EPHA4: variants seen among roughly 807,000 people sequenced by gnomAD.
EPHA4 encodes the protein ephrin type-A receptor 4.
Under a neutral mutation model 108.3 loss-of-function variants are expected in EPHA4, and 19 were observed. That is an observed-to-expected ratio of 0.18 (90% confidence interval 0.12 to 0.26). The LOEUF is 0.26. EPHA4 is among the 10% of genes least tolerant of loss of function. The pLI, the probability that EPHA4 is intolerant of heterozygous loss-of-function variation, is 1.00. For synonymous variants in EPHA4, 449 were observed against 455.5 expected (o/e 0.99, Z 0.18); for missense variants, 917 against 1,254.0 (o/e 0.73, Z 4.06).
chr2:221,442,826 T>A lies in EPHA4; in HGVS notation c.2074+3A>T. On this transcript the variant is annotated splice_donor_region_variant and intron_variant, in intron 11 of 17. Coordinates refer to ENST00000281821, the MANE Select transcript of EPHA4 (RefSeq NM_004438.5). ...GGCTTTGTAAAGGGGGTGACCCACG[T>A]ACATTTAGTGACCACGCCTTCCAAG... 1 of 1,614,164 alleles carries A rather than the reference T, an allele frequency of 6.2e-7. No homozygotes were observed. The highest frequency in any genetic ancestry group is 8.5e-7 in the Non-Finnish European group (1 of 1,179,992).
At chr2:221,462,919 T>G (rs1048003298) in intron 5 of EPHA4, among the ~76,000 whole-genome samples, 2 of 152,236 alleles carry the variant, frequency 1.3e-5, no homozygotes, top group African/African-American at 4.8e-5. Flanking sequence ...CTGTAGGGCA[T>G]ATGCAAATAG....
At chr2:221,483,081 A>T (rs1191621154) in intron 4 of EPHA4, among the ~76,000 whole-genome samples, 2 of 152,246 alleles carry the variant, frequency 1.3e-5, no homozygotes, top group Non-Finnish European at 2.9e-5. Flanking sequence ...CTGATAAATT[A>T]ATAGTTATAT....
intron 6 of EPHA4, 77 bp downstream of exon 6, chr2:221,457,789 G>C: frequency 2.0e-6 from 3 of 1,509,948 alleles, no homozygotes; most frequent in Non-Finnish European, 2.7e-6. Context: ...AGGGAGGGAA[G>C]GAGAAAGGAA....
At chr2:221,437,475 A>G (rs1389112630) in intron 11 of EPHA4, 1 of 179,432 alleles carries the variant, frequency 5.6e-6, no homozygotes, top group African/African-American at 2.4e-5. Context: ...AATCTTTAGG[A>G]TAATTAATTT....
At chr2:221,517,318 G>T (rs1208396193) in intron 3 of EPHA4, among the ~76,000 whole-genome samples, 2 of 152,204 alleles carry the variant, frequency 1.3e-5, no homozygotes, top group African/African-American at 4.8e-5. Flanking sequence ...GCTAGGAAAT[G>T]TTGCAAGAGG....
chr2:221,436,248 T>G, intron 13 of EPHA4, 151 bp downstream of exon 13: 1 of 697,930 alleles, frequency 1.4e-6, no homozygotes, highest in Non-Finnish European at 2.3e-6. Flanking sequence ...ATTGGAAACA[T>G]GGTTTAAAAA....
At chr2:221,458,102 G>A in intron 5 of EPHA4, 112 bp from the exon 6 acceptor site, 1 of 1,356,780 alleles carries the variant, frequency 7.4e-7, no homozygotes, top group Admixed American at 2.2e-5. Flanking sequence ...AGATTGTCTT[G>A]TCTCCCCCTT....
At chr2:221,551,741 A>C (rs1694167216) in intron 3 of EPHA4, among the ~76,000 whole-genome samples, 1 of 152,182 alleles carries the variant, frequency 6.6e-6, no homozygotes, top group South Asian at 2.1e-4. Context: ...TCCAAAAGTC[A>C]GATCATTTGA....
intron 3 of EPHA4, among the ~76,000 whole-genome samples, chr2:221,504,334 T>TA (rs1396217857): frequency 1.7e-5 from 2 of 120,112 alleles, no homozygotes; most frequent in East Asian, 5.6e-4. Context: ...TGGCTTTGAA[T>TA]AAAAAAAGAT....
rs760202949 is a variant in EPHA4 at position 221,419,171 on chromosome 2, G to A, written c.*2201C>T. On this transcript the variant is annotated 3_prime_UTR_variant, in exon 18 of 18. Coordinates refer to ENST00000281821, the MANE Select transcript of EPHA4 (RefSeq NM_004438.5). The stretch of plus-strand genomic sequence containing the variant: ...AGATTATGAAAAATGGCAGTAAGTT[G>A]GCTGGAGTTTGGTATACATATCATA... 6.6e-6 allele frequency: 1 copy of A among 152,590 alleles called. No homozygotes were observed. The highest frequency in any genetic ancestry group is 2.4e-5 in the African/African-American group (1 of 41,426). 9.5% of individuals were successfully genotyped at this position (152,590 alleles called of 1,614,324 possible). A position where few individuals can be genotyped will look rare whatever the true frequency, so the allele number is the denominator to read the frequency against.
At chr2:221,526,543 A>T (rs1357545084) in intron 3 of EPHA4, among the ~76,000 whole-genome samples, 1 of 23,666 alleles carries the variant, frequency 4.2e-5, no homozygotes, top group East Asian at 7.2e-4. Context: ...AATCTAGTGT[A>T]AAAAAAAAAA....
At chr2:221,544,646 G>GA (rs1337761135) in intron 3 of EPHA4, among the ~76,000 whole-genome samples, 1 of 151,952 alleles carries the variant, frequency 6.6e-6, no homozygotes, top group Non-Finnish European at 1.5e-5. Flanking sequence ...AACCTTTTAT[G>GA]AAAAAAGAAG....
intron 8 of EPHA4, 62 bp from the exon 9 acceptor site, chr2:221,446,243 C>T (rs560959017): frequency 4.5e-5 from 46 of 1,017,174 alleles, no homozygotes; most frequent in Non-Finnish European, 6.3e-5. Flanking sequence ...TTAACACATG[C>T]CATAAGACAA....
intron 9 of EPHA4, 89 bp downstream of exon 9, chr2:221,446,034 T>C: frequency 1.4e-6 from 1 of 713,310 alleles, no homozygotes; most frequent in Non-Finnish European, 2.2e-6. Context: ...ATAACATTAA[T>C]AGCCACGTAA....
Position 221,434,142 on chromosome 2 carries a change from A to C in EPHA4, c.2496T>G (p.Asp832Glu). Reference protein sequence around the residue: ...ERPYWDMSNQDVIKAIEEGYR... With the variant: ...ERPYWDMSNQEVIKAIEEGYR... Reference sequence around the variant, plus strand: ...TATATTTCAGAACATAGAGACTTACATCTTGATTGGACATATCCCAATAGG... The same window carrying C: ...TATATTTCAGAACATAGAGACTTACCTCTTGATTGGACATATCCCAATAGG... The change falls in exon 14 of 18, where the codon GAT (aspartate) becomes GAG (glutamate). Residue 832 changes from aspartate (D) to glutamate (E), a missense_variant and splice_region_variant. This residue lies in a region of EPHA4 where 758 missense variants were observed against 1,076.7 expected (regional missense o/e 0.70). Transcript: ENST00000281821. 6.2e-7 allele frequency: 1 copy of C among 1,611,580 alleles called. No individual in the cohort carries two copies. Among genetic ancestry groups the C allele is most frequent in the Non-Finnish European group, 8.5e-7 (1 of 1,179,046 alleles).
intron 15 of EPHA4, among the ~76,000 whole-genome samples, chr2:221,428,736 C>G (rs1372795959): frequency 6.6e-6 from 1 of 152,152 alleles, no homozygotes; most frequent in African/African-American, 2.4e-5. Flanking sequence ...TTTTAGTTCA[C>G]ATAGTGACCA....
intron 11 of EPHA4, among the ~76,000 whole-genome samples, chr2:221,440,656 A>G (rs2106103564): frequency 6.7e-6 from 1 of 149,114 alleles, no homozygotes; most frequent in Non-Finnish European, 1.5e-5. Context: ...AGATGTACCT[A>G]CTTCTTAAGA....
intron 5 of EPHA4, among the ~76,000 whole-genome samples, chr2:221,472,300 CAAAAAAA>C (rs11397333): frequency 2.8e-4 from 33 of 115,806 alleles, no homozygotes; most frequent in African/African-American, 8.6e-4. Context: ...ACTTATTTTA[CAAAAAAA>C]AAAAAAAAAA....
chr2:221,559,646 T>C (rs1694400120), intron 3 of EPHA4, among the ~76,000 whole-genome samples: 1 of 152,232 alleles, frequency 6.6e-6, no homozygotes, highest in African/African-American at 2.4e-5. Context: ...AAAACAGTCC[T>C]GTAAAACATC....
Sources: gnomAD v4.1 joint callset for allele counts (sites outside exome capture counted in the v4.1 genomes callset) on GRCh38, gnomAD v4.1.1 for gene constraint, gnomAD v4.1.1 regional missense constraint, MANE v1.5 for transcripts, NCBI Gene and HGNC (gene_info 2026-07-23, HGNC 2026-07-21) for gene names.